The following EPAS1 variants were observed in gnomAD, a reference collection of about 807,000 sequenced individuals.
EPAS1 encodes the protein endothelial PAS domain protein 1.
EPAS1 carries 23 observed loss-of-function variants against 87.9 expected under a neutral mutation model. That is an observed-to-expected ratio of 0.26 (90% CI 0.19 to 0.37). EPAS1 has a LOEUF of 0.37. Ranked by LOEUF, EPAS1 falls within the 10% of genes least tolerant of loss-of-function variation. The pLI, the probability that EPAS1 is intolerant of heterozygous loss-of-function variation, is 1.00. For missense variants in EPAS1, 1,138 were observed against 1,120.7 expected, an observed-to-expected ratio of 1.02 and a Z score of -0.22; for synonymous variants, 508 against 444.3, an observed-to-expected ratio of 1.14 and a Z score of -1.80.
chr2:46,340,545 G>A (rs1170139248), intron 1 of EPAS1, among the ~76,000 whole-genome samples: 3 of 152,160 alleles, frequency 2.0e-5, no homozygotes, highest in South Asian at 2.1e-4. Flanking sequence ...ATATACTAGT[G>A]TGGATTATTA....
At chr2:46,378,571 A>G in intron 10 of EPAS1, 86 bp from the exon 11 acceptor site, 2 of 1,120,062 alleles carry the variant, frequency 1.8e-6, no homozygotes, top group Non-Finnish European at 2.7e-6. Flanking sequence ...CTTTGGGTCC[A>G]GGAAGGTATT....
intron 1 of EPAS1, among the ~76,000 whole-genome samples, chr2:46,337,780 G>A (rs955639591): frequency 1.3e-5 from 2 of 152,154 alleles, no homozygotes. Flanking sequence ...CCAGAGAGGT[G>A]GCACCAAAGA....
chr2:46,328,246 T>C (rs1054089371), intron 1 of EPAS1, among the ~76,000 whole-genome samples: 12 of 152,140 alleles, frequency 7.9e-5, no homozygotes, highest in African/African-American at 2.9e-4. Context: ...GAGGGAGAGC[T>C]AGGAGCTTGA....
intron 1 of EPAS1, among the ~76,000 whole-genome samples, chr2:46,308,710 T>G (rs1683156551): frequency 2.6e-5 from 4 of 152,192 alleles, no homozygotes; most frequent in Admixed American, 2.6e-4. Flanking sequence ...TAGTATTATA[T>G]CAGTGCTTCA....
At position 46,360,325 on chromosome 2, in the gene EPAS1, TAGGC is replaced by T. The variant is rs1684361134; in HGVS notation, c.455-310_455-307del. Among the ~76,000 whole-genome samples the T allele has an allele frequency of 6.6e-6, 1 of 152,228 alleles. No individual in the cohort carries two copies. The highest frequency in any genetic ancestry group is 1.5e-5 in the Non-Finnish European group (1 of 68,036). The stretch of plus-strand genomic sequence containing the variant: ...AAAGGGTGGCTGAGTTAGTGGCTGA[TAGGC>T]AGTCGTTGTGTCGCTGCTCTGAAGG... On this transcript the variant is annotated intron_variant, in intron 4 of 15. Transcript: ENST00000263734. This position sits in a 1 kb window ranked among gnomAD's most constrained non-coding sequence, Gnocchi z 4.5.
chr2:46,339,746 A>T (rs1683870822), intron 1 of EPAS1, among the ~76,000 whole-genome samples: 1 of 152,186 alleles, frequency 6.6e-6, no homozygotes, highest in South Asian at 2.1e-4. Flanking sequence ...TTCATTTCTC[A>T]TGGTTCTGGA....
intron 1 of EPAS1, among the ~76,000 whole-genome samples, chr2:46,345,375 A>AAAACC (rs1684003432): frequency 6.6e-6 from 1 of 152,216 alleles, no homozygotes; most frequent in African/African-American, 2.4e-5. Context: ...AAGCAAAACA[A>AAAACC]AAACCAAAAA....
rs1208300275 is a variant in EPAS1, at chr2:46,385,599, C to G, written c.*939C>G. ...CCTCCCTCTGTCGGCTTTTTGCCAT[C>G]TGTGATATGCCATAGGTGTGACAAT... On this transcript the variant is annotated 3_prime_UTR_variant, in exon 16 of 16. Transcript: ENST00000263734. 6.6e-6 allele frequency: 1 copy of G among 152,224 alleles called. No homozygotes were observed. Among genetic ancestry groups the G allele is most frequent in the African/African-American group, 2.4e-5 (1 of 41,446 alleles). 9.4% of individuals were successfully genotyped at this position (152,224 alleles called of 1,614,324 possible).
At chr2:46,331,930 C>T (rs1189828567) in intron 1 of EPAS1, among the ~76,000 whole-genome samples, 1 of 152,180 alleles carries the variant, frequency 6.6e-6, no homozygotes, top group East Asian at 1.9e-4. Context: ...TGCTGACTCA[C>T]ATGTTAATTA....
chr2:46,299,614 AC>A (rs142136249), intron 1 of EPAS1, among the ~76,000 whole-genome samples: 3,388 of 152,336 alleles, frequency 0.022, 137 homozygotes, highest in African/African-American at 0.077. Flanking sequence ...TGTGTATTTT[AC>A]AACTGCGATG....
In EPAS1 at chr2:46,368,591, G is replaced by C. The variant is rs1014119468; in HGVS notation, c.780-1236G>C. On this transcript the variant is annotated intron_variant, in intron 6 of 15. Transcript: ENST00000263734. ...CTGACAGATGTATGCAAGTTGACCT[G>C]TTTGGGGGGTGGGTTTAGAGCAGAG... Among the ~76,000 whole-genome samples, 5 of 152,166 alleles carry C rather than the reference G, an allele frequency of 3.3e-5. No homozygotes were observed. The South Asian group carries it at 8.3e-4, about 25-fold the overall frequency.
At position 46,380,724 on chromosome 2, in the gene EPAS1, G is replaced by A. The variant is rs1226121393; in HGVS notation, c.2045+7G>A. The stretch of plus-strand genomic sequence containing the variant: ...TCTCCACCTTCAAGACAAGGTAAGT[G>A]GCAGATACTCAGCTGTACCAGCAGG... On this transcript the variant is annotated splice_region_variant and intron_variant, in intron 12 of 15. Coordinates refer to ENST00000263734, the MANE Select transcript of EPAS1 (RefSeq NM_001430.5). This position sits in a 1 kb window ranked among gnomAD's most constrained non-coding sequence, Gnocchi z 4.4. The A allele has an allele frequency of 1.2e-6, 2 of 1,607,292 alleles. No individual in the cohort carries two copies. Among genetic ancestry groups the A allele is most frequent in the Admixed American group, 1.7e-5 (1 of 59,970 alleles).
chr2:46,365,423 T>C (rs927846120), intron 6 of EPAS1, among the ~76,000 whole-genome samples: 2 of 152,170 alleles, frequency 1.3e-5, no homozygotes, highest in African/African-American at 4.8e-5. Flanking sequence ...GTGGATAAAT[T>C]TATGGTGAAT....
intron 1 of EPAS1, among the ~76,000 whole-genome samples, chr2:46,345,247 A>G (rs1684001293): frequency 6.6e-6 from 1 of 152,210 alleles, no homozygotes; most frequent in Non-Finnish European, 1.5e-5. Context: ...ACAGGTCCAA[A>G]TACTACCATG....
chr2:46,329,226 C>G (rs1189921338), intron 1 of EPAS1, among the ~76,000 whole-genome samples: 1 of 152,132 alleles, frequency 6.6e-6, no homozygotes, highest in Non-Finnish European at 1.5e-5. Flanking sequence ...GTTACTGACT[C>G]TGGTTCAGGG....
At chr2:46,302,195 G>C (rs1683020472) in intron 1 of EPAS1, among the ~76,000 whole-genome samples, 1 of 147,724 alleles carries the variant, frequency 6.8e-6, no homozygotes, top group Non-Finnish European at 1.5e-5. Context: ...CAACTTTCTA[G>C]GAATTTATTA....
rs1684989388 is a variant in EPAS1 at position 46,385,221 on chromosome 2, C to CTAA, written c.*563_*565dup. 6.6e-6 allele frequency: 1 copy of CTAA among 152,388 alleles called. No individual in the cohort carries two copies. The highest frequency in any genetic ancestry group is 2.4e-5 in the African/African-American group (1 of 40,882). The allele number at this position is 152,388 out of a possible 1,614,324, so 9.4% of individuals were successfully genotyped here. A position where few individuals can be genotyped will look rare whatever the true frequency, so the allele number is the denominator to read the frequency against. On this transcript the variant is annotated 3_prime_UTR_variant, in exon 16 of 16. Transcript: ENST00000263734. ...TTTTTGTTTAAGCTGACTCTTTGCT[C>CTAA]TAATTTTGGAAAAAAAGAAATGTGA...
At chr2:46,354,351 A>G (rs1287927797) in intron 2 of EPAS1, among the ~76,000 whole-genome samples, 3 of 152,130 alleles carry the variant, frequency 2.0e-5, no homozygotes, top group African/African-American at 7.2e-5. Context: ...CTGTAAATCA[A>G]GTGAGGCATA....
chr2:46,300,445 C>G lies in EPAS1; in HGVS notation c.26+2508C>G, dbSNP rs1682974504. ...ATTTTGTCCCAGAATGTTCACACGT[C>G]GATAAATATGTTAATGTTTAATAAT... On this transcript the variant is annotated intron_variant, in intron 1 of 15. Coordinates refer to ENST00000263734, the MANE Select transcript of EPAS1 (RefSeq NM_001430.5). This position sits in a 1 kb window ranked among gnomAD's most constrained non-coding sequence, Gnocchi z 4.1. 6.6e-6 allele frequency among the ~76,000 whole-genome samples: 1 copy of G among 152,108 alleles called. No homozygotes were observed. Among genetic ancestry groups the G allele is most frequent in the African/African-American group, 2.4e-5 (1 of 41,400 alleles).
Sources: allele counts gnomAD v4.1 joint callset (sites outside exome capture counted in the v4.1 genomes callset), GRCh38; gene constraint gnomAD v4.1.1; non-coding constraint Gnocchi (gnomAD v3.1); transcripts MANE v1.5; gene names NCBI Gene and HGNC (gene_info 2026-07-23, HGNC 2026-07-21).